AGBL1: variants seen among roughly 807,000 people sequenced by gnomAD.
The protein encoded by AGBL1 is cytosolic carboxypeptidase 4.
AGBL1 carries 130 observed loss-of-function variants against 118.9 expected under a neutral mutation model. That is an observed-to-expected ratio of 1.09 (90% confidence interval 0.95 to 1.26). AGBL1 has a LOEUF of 1.26. Among genes scored for constraint, AGBL1 ranks in the 50% most tolerant of loss-of-function variants. AGBL1 has a pLI of 0.00. For synonymous variants in AGBL1, 555 were observed against 478.9 expected (o/e 1.16, Z -2.08); for missense variants, 1,584 against 1,298.1 (o/e 1.22, Z -3.38).
chr15:86,155,447 C>T (rs1037802477), intron 4 of AGBL1, among the ~76,000 whole-genome samples: 1 of 151,898 alleles, frequency 6.6e-6, no homozygotes, highest in Non-Finnish European at 1.5e-5. Flanking sequence ...GAGACCTTGT[C>T]TTAAAAAAAT....
At chr15:86,207,665 T>A (rs966350015) in intron 5 of AGBL1, among the ~76,000 whole-genome samples, 1 of 152,098 alleles carries the variant, frequency 6.6e-6, no homozygotes, top group African/African-American at 2.4e-5. Context: ...TCGATTTTGT[T>A]TCCTGAGACT....
chr15:86,466,331 T>C (rs147729391), intron 18 of AGBL1, among the ~76,000 whole-genome samples: 1 of 152,378 alleles, frequency 6.6e-6, no homozygotes, highest in Non-Finnish European at 1.5e-5. Context: ...TGCTGTGTTT[T>C]TCAGCTCCAT....
At position 87,016,267 on chromosome 15, in the gene AGBL1, A is replaced by G. The variant is rs201001192; in HGVS notation, c.3324-12558A>G. 2.4e-5 allele frequency among the ~76,000 whole-genome samples: 3 copies of G among 125,600 alleles called. No individual in the cohort carries two copies. The East Asian group carries it at 7.1e-4, about 30-fold the overall frequency. The allele number at this position is 125,600 out of a possible 152,430, so 82.4% of individuals were successfully genotyped here. A position where few individuals can be genotyped will look rare whatever the true frequency, so the allele number is the denominator to read the frequency against. On this transcript the variant is annotated intron_variant, in intron 24 of 24. Coordinates refer to the AGBL1 transcript ENST00000441037. ...TTTTAATAACTGTCCCAGGTGATTT[A>G]TGTTCAGCCATATTTCAGATCATTG...
intron 22 of AGBL1, among the ~76,000 whole-genome samples, chr15:86,779,926 C>T (rs912580843): frequency 9.5e-6 from 1 of 105,338 alleles, no homozygotes; most frequent in Non-Finnish European, 2.6e-5. Context: ...CCCCAACACA[C>T]ACACACACAC....
intron 18 of AGBL1, among the ~76,000 whole-genome samples, chr15:86,412,280 C>T (rs775049352): frequency 5.3e-5 from 8 of 152,158 alleles, no homozygotes; most frequent in Non-Finnish European, 1.0e-4. Context: ...TAGAGTTAGA[C>T]CATTTTTCTT....
At chr15:86,811,361 A>G (rs935757150) in intron 22 of AGBL1, among the ~76,000 whole-genome samples, 14 of 152,186 alleles carry the variant, frequency 9.2e-5, no homozygotes, top group Admixed American at 3.9e-4. Context: ...GGAAAAGTTC[A>G]GATATGAGAT....
intron 21 of AGBL1, among the ~76,000 whole-genome samples, chr15:86,591,669 C>T (rs1464762943): frequency 6.6e-6 from 1 of 152,182 alleles, no homozygotes; most frequent in Non-Finnish European, 1.5e-5. Flanking sequence ...GGGCCACCTT[C>T]CAGGAACCTC....
chr15:86,665,560 TTTTAG>T (rs1432387726), intron 21 of AGBL1, among the ~76,000 whole-genome samples: 1 of 152,124 alleles, frequency 6.6e-6, no homozygotes, highest in Non-Finnish European at 1.5e-5. Context: ...GTTGTTTCCA[TTTTAG>T]TTTAGTTTAT....
intron 17 of AGBL1, among the ~76,000 whole-genome samples, chr15:86,311,572 A>G (rs1413125143): frequency 6.6e-6 from 1 of 152,212 alleles, no homozygotes. Flanking sequence ...TTAAGATTCC[A>G]ACCAAAACCC....
intron 23 of AGBL1, among the ~76,000 whole-genome samples, chr15:86,965,581 T>C (rs369068060): frequency 2.0e-5 from 3 of 152,052 alleles, no homozygotes; most frequent in African/African-American, 7.2e-5. Context: ...TTCTGTAGAT[T>C]GCCTGTTCAC....
At chr15:86,668,096 C>T (rs1355626912) in intron 21 of AGBL1, among the ~76,000 whole-genome samples, 1 of 152,140 alleles carries the variant, frequency 6.6e-6, no homozygotes, top group African/African-American at 2.4e-5. Context: ...ACTAACAATT[C>T]ACTCGTTCCC....
At chr15:86,759,681 G>C (rs1264125676) in intron 22 of AGBL1, among the ~76,000 whole-genome samples, 1 of 152,022 alleles carries the variant, frequency 6.6e-6, no homozygotes, top group Admixed American at 6.6e-5. Flanking sequence ...TTGAGAATCT[G>C]GATACAGAAT....
intron 22 of AGBL1, among the ~76,000 whole-genome samples, chr15:86,812,278 T>C (rs1421539892): frequency 6.6e-6 from 1 of 152,170 alleles, no homozygotes; most frequent in East Asian, 1.9e-4. Context: ...CATTATACTG[T>C]CTCCCTAATT....
intron 17 of AGBL1, among the ~76,000 whole-genome samples, chr15:86,380,248 C>CTGA (rs1201157365): frequency 7.4e-5 from 11 of 148,242 alleles, no homozygotes; most frequent in Non-Finnish European, 1.3e-4. Flanking sequence ...TGCCTGCCTC[C>CTGA]CTCCCTCCCT....
At chr15:86,657,766 T>C (rs2085483893) in intron 21 of AGBL1, among the ~76,000 whole-genome samples, 1 of 151,824 alleles carries the variant, frequency 6.6e-6, no homozygotes, top group Admixed American at 6.6e-5. Context: ...CTCTCGTAAG[T>C]CTCCTACTTC....
intron 19 of AGBL1, among the ~76,000 whole-genome samples, chr15:86,524,154 T>A (rs1441175424): frequency 6.6e-6 from 1 of 152,182 alleles, no homozygotes; most frequent in Non-Finnish European, 1.5e-5. Context: ...GTAAACTGAT[T>A]TCAATGAGAT....
At chr15:86,157,598 A>G (rs1381927050) in intron 4 of AGBL1, among the ~76,000 whole-genome samples, 1 of 152,192 alleles carries the variant, frequency 6.6e-6, no homozygotes. Context: ...TCCATAAGGT[A>G]TTTAAAAAAA....
Position 86,258,008 on chromosome 15 carries a change from G to A in AGBL1, c.946G>A (p.Asp316Asn), listed in dbSNP as rs1393963644. 26 of 1,613,580 alleles carry A rather than the reference G, an allele frequency of 1.6e-5. No homozygotes were observed. In the East Asian group the frequency reaches 1.8e-4, roughly 11 times the overall value. Residue 316 changes from aspartate to asparagine, a missense_variant, in exon 9 of 23, where the codon GAT becomes AAT. Transcript: ENST00000614907. ...DGDDEVDKDSDTEDGKVEDDD... is the reference protein window; with the variant it reads ...DGDDEVDKDSNTEDGKVEDDD... Reference sequence around the variant, plus strand: ...CGATGATGAAGTGGACAAAGACTCTGATACTGAAGATGGGAAAGTGGAAGT... The same window carrying A: ...CGATGATGAAGTGGACAAAGACTCTAATACTGAAGATGGGAAAGTGGAAGT...
chr15:86,655,873 C>G (rs1383048327), intron 21 of AGBL1, among the ~76,000 whole-genome samples: 1 of 152,122 alleles, frequency 6.6e-6, no homozygotes, highest in Non-Finnish European at 1.5e-5. Flanking sequence ...TGCTGCTATA[C>G]CACATTACTA....
Sources: allele counts gnomAD v4.1 joint callset (sites outside exome capture counted in the v4.1 genomes callset), GRCh38; gene constraint gnomAD v4.1.1; transcripts MANE v1.5; gene names NCBI Gene and HGNC (gene_info 2026-07-23, HGNC 2026-07-21).